The following UST variants were observed in gnomAD, a reference collection of about 807,000 sequenced individuals.
UST encodes chondroitin sulfate 2-O-sulfotransferase.
UST carries 21 observed loss-of-function variants against 45.6 expected under a neutral mutation model. The ratio of observed to expected loss-of-function variants is 0.46; its 90% CI spans 0.33 to 0.66. UST has a LOEUF of 0.66. Ranked by LOEUF, UST falls within the 30% of genes least tolerant of loss-of-function variation. The pLI, the probability that UST is intolerant of heterozygous loss-of-function variation, is 0.02. For synonymous variants in UST, 215 were observed against 200.6 expected, an observed-to-expected ratio of 1.07 and a Z score of -0.61; for missense variants, 463 against 512.4, an observed-to-expected ratio of 0.90 and a Z score of 0.93.
chr6:148,754,141 G>C (rs1202634042), intron 1 of UST, among the ~76,000 whole-genome samples: 1 of 151,752 alleles, frequency 6.6e-6, no homozygotes, highest in East Asian at 1.9e-4. Context: ...ACTACAGGCG[G>C]CCGCCACCAT....
At chr6:148,880,001 C>T (rs1283194602) in intron 1 of UST, among the ~76,000 whole-genome samples, 2 of 142,694 alleles carry the variant, frequency 1.4e-5, no homozygotes, top group African/African-American at 2.6e-5. Context: ...AGGCTGGAGG[C>T]TGGTGTGCAG....
intron 4 of UST, among the ~76,000 whole-genome samples, chr6:148,960,277 G>A (rs534090919): frequency 2.6e-5 from 4 of 152,176 alleles, no homozygotes; most frequent in South Asian, 2.1e-4. Context: ...CAACAAGAGC[G>A]AAACTCCGTC....
intron 1 of UST, among the ~76,000 whole-genome samples, chr6:148,817,153 TTTG>T (rs1175761637): frequency 5.3e-5 from 8 of 152,240 alleles, no homozygotes; most frequent in Non-Finnish European, 1.0e-4. Flanking sequence ...TTTCTGTTTG[TTTG>T]TTTATTTTTG....
chr6:149,040,118 C>T (rs186045966), intron 7 of UST, among the ~76,000 whole-genome samples: 48 of 152,350 alleles, frequency 3.2e-4, no homozygotes, highest in African/African-American at 1.1e-3. Context: ...CTTTTTCATA[C>T]AGTCCTGAGC....
chr6:148,920,769 A>G (rs1779688664), intron 2 of UST, among the ~76,000 whole-genome samples: 1 of 152,088 alleles, frequency 6.6e-6, no homozygotes, highest in Non-Finnish European at 1.5e-5. Flanking sequence ...GGCTCAACCT[A>G]CTCACTCGTC....
chr6:148,954,290 G>A (rs950406563), intron 4 of UST, among the ~76,000 whole-genome samples: 1 of 152,096 alleles, frequency 6.6e-6, no homozygotes, highest in Non-Finnish European at 1.5e-5. Context: ...GCACATTTTT[G>A]TACAATTTGA....
At position 148,889,661 on chromosome 6, in the gene UST, C is replaced by G. The variant is rs150129327; in HGVS notation, c.291+2632C>G. ...CTTGGTAAACAGGATTTTATCTGGT[C>G]TGAAGACCCAGACCCTTTTTTTATG... On this transcript the variant is annotated intron_variant, in intron 2 of 7. Transcript: ENST00000367463. Among the ~76,000 whole-genome samples, 18 of 152,328 alleles carry G rather than the reference C, an allele frequency of 1.2e-4. No homozygotes were observed. In the East Asian group the frequency reaches 3.3e-3, roughly 28 times the overall value.
intron 1 of UST, among the ~76,000 whole-genome samples, chr6:148,841,206 T>C (rs1777881423): frequency 6.6e-6 from 1 of 152,214 alleles, no homozygotes; most frequent in Admixed American, 6.5e-5. Context: ...GATCTCCTTT[T>C]ATTAAGTGAA....
chr6:148,895,204 C>G (rs766380836), intron 2 of UST, among the ~76,000 whole-genome samples: 12 of 152,104 alleles, frequency 7.9e-5, no homozygotes, highest in Non-Finnish European at 1.8e-4. Flanking sequence ...CCTCATCATT[C>G]TCATGTTTTT....
chr6:148,948,100 C>G (rs74598288), intron 3 of UST, among the ~76,000 whole-genome samples: 11,711 of 152,176 alleles, frequency 0.077, 544 homozygotes, highest in Middle Eastern at 0.12. Context: ...GCGTGTGTTG[C>G]GCTGACTGCT....
At chr6:148,918,171 G>C (rs1337611128) in intron 2 of UST, among the ~76,000 whole-genome samples, 1 of 152,152 alleles carries the variant, frequency 6.6e-6, no homozygotes, top group Admixed American at 6.5e-5. Context: ...TTTATGAATT[G>C]AATACTAACC....
chr6:148,928,638 C>A (rs1779864672), intron 2 of UST, among the ~76,000 whole-genome samples: 1 of 152,174 alleles, frequency 6.6e-6, no homozygotes, highest in Non-Finnish European at 1.5e-5. Flanking sequence ...AAAGAGCATT[C>A]CATGATCAGA....
intron 5 of UST, among the ~76,000 whole-genome samples, chr6:148,978,698 G>A (rs982081650): frequency 4.6e-5 from 7 of 152,154 alleles, no homozygotes; most frequent in African/African-American, 1.4e-4. Context: ...GGGAGGGAGA[G>A]CATTAGGACA....
At chr6:149,047,537 T>C (rs1776412356) in intron 7 of UST, among the ~76,000 whole-genome samples, 1 of 152,184 alleles carries the variant, frequency 6.6e-6, no homozygotes, top group Non-Finnish European at 1.5e-5. Flanking sequence ...ATCTTATGTG[T>C]TCTCCCACCC....
chr6:148,826,953 C>T (rs914187612), intron 1 of UST, among the ~76,000 whole-genome samples: 3 of 152,104 alleles, frequency 2.0e-5, no homozygotes, highest in African/African-American at 7.2e-5. Context: ...TTACATCGGG[C>T]CCACCTAGAT....
chr6:148,812,266 G>T (rs1447035637), intron 1 of UST, among the ~76,000 whole-genome samples: 1 of 151,916 alleles, frequency 6.6e-6, no homozygotes, highest in African/African-American at 2.4e-5. Context: ...ACACAAAAAT[G>T]CTTGTAATTT....
chr6:148,748,414 T>A lies in UST; in HGVS notation c.247+737T>A. On this transcript the variant is annotated intron_variant, in intron 1 of 7. Coordinates refer to ENST00000367463, the MANE Select transcript of UST (RefSeq NM_005715.3). The surrounding 1 kb of genome is among the most constrained non-coding windows in gnomAD (Gnocchi z 5.3). ...AAGTCAAAACTTGTGTGTGTGTGTG[T>A]GTGTGTGTGTGTGTGTGTGTGTGTG... Among the ~76,000 whole-genome samples, 1 of 107,220 alleles carries A rather than the reference T, an allele frequency of 9.3e-6. No homozygotes were observed. The highest frequency in any genetic ancestry group is 2.2e-5 in the Non-Finnish European group (1 of 45,014). 70.3% of individuals were successfully genotyped at this position (107,220 alleles called of 152,430 possible). A position where few individuals can be genotyped will look rare whatever the true frequency, so the allele number is the denominator to read the frequency against.
intron 5 of UST, among the ~76,000 whole-genome samples, chr6:149,001,682 G>A (rs1582953138): frequency 1.3e-5 from 2 of 152,230 alleles, no homozygotes; most frequent in Non-Finnish European, 1.5e-5. Flanking sequence ...TACTTACTGA[G>A]TTCATTAAAA....
intron 5 of UST, among the ~76,000 whole-genome samples, chr6:148,991,402 G>A (rs1260954198): frequency 6.6e-6 from 1 of 151,536 alleles, no homozygotes; most frequent in African/African-American, 2.4e-5. Context: ...GGGTACATGT[G>A]CACAATGTGC....
Sources: allele counts gnomAD v4.1 joint callset (sites outside exome capture counted in the v4.1 genomes callset), GRCh38; gene constraint gnomAD v4.1.1; non-coding constraint Gnocchi (gnomAD v3.1); transcripts MANE v1.5; gene names NCBI Gene and HGNC (gene_info 2026-07-23, HGNC 2026-07-21).